The following FAM193A variants were observed in gnomAD, a reference collection of about 807,000 sequenced individuals.
The protein encoded by FAM193A is protein FAM193A.
A neutral mutation model predicts 126.5 loss-of-function variants in FAM193A; 22 were observed. That is an observed-to-expected ratio of 0.17 (90% CI 0.12 to 0.25). The LOEUF is 0.25. Ranked by LOEUF, FAM193A falls within the 10% of genes least tolerant of loss-of-function variation. The pLI is 1.00. For missense variants in FAM193A, 1,675 were observed against 1,672.8 expected, an observed-to-expected ratio of 1.00 and a Z score of -0.02; for synonymous variants, 761 against 646.8, an observed-to-expected ratio of 1.18 and a Z score of -2.68.
intron 1 of FAM193A, among the ~76,000 whole-genome samples, chr4:2,574,674 A>C (rs1290719862): frequency 6.6e-6 from 1 of 152,206 alleles, no homozygotes; most frequent in East Asian, 1.9e-4. Flanking sequence ...TGTAGTATCC[A>C]CGTTTATGTC....
intron 2 of FAM193A, among the ~76,000 whole-genome samples, chr4:2,602,673 T>C (rs536639876): frequency 2.6e-5 from 4 of 152,192 alleles, no homozygotes; most frequent in Admixed American, 2.0e-4. Context: ...TTTTTGTTTT[T>C]GTTTTGTGAC....
At chr4:2,636,712 G>T (rs1039391546) in intron 5 of FAM193A, among the ~76,000 whole-genome samples, 3 of 152,168 alleles carry the variant, frequency 2.0e-5, no homozygotes, top group African/African-American at 7.2e-5. Flanking sequence ...CAAGCCAACA[G>T]CAGCAAATGC....
At chr4:2,598,857 T>C (rs1469851168) in intron 2 of FAM193A, among the ~76,000 whole-genome samples, 1 of 152,198 alleles carries the variant, frequency 6.6e-6, no homozygotes, top group East Asian at 1.9e-4. Context: ...AGGTCTCCGA[T>C]GGTGGCATCT....
intron 2 of FAM193A, among the ~76,000 whole-genome samples, chr4:2,600,024 C>T (rs184506795): frequency 1.2e-4 from 19 of 152,256 alleles, no homozygotes; most frequent in East Asian, 3.9e-4. Context: ...CTCAGCCTCC[C>T]GAGTACCGGG....
chr4:2,535,950 G>A (rs901815609), upstream of FAM193A, among the ~76,000 whole-genome samples: 2 of 152,136 alleles, frequency 1.3e-5, no homozygotes, highest in African/African-American at 4.8e-5. Context: ...GGACCCCACC[G>A]CACCGCGCCC....
chr4:2,647,089 G>C (rs886656805), intron 7 of FAM193A, among the ~76,000 whole-genome samples: 31 of 152,204 alleles, frequency 2.0e-4, no homozygotes, highest in African/African-American at 7.5e-4. Flanking sequence ...TCCTTGGCCT[G>C]GGCACACCTG....
Position 2,690,804 on chromosome 4 carries a change from T to A in FAM193A, c.2637T>A (p.Asn879Lys). The A allele has an allele frequency of 6.2e-7, 1 of 1,614,104 alleles. No individual in the cohort carries two copies. Among genetic ancestry groups the A allele is most frequent in the Non-Finnish European group, 8.5e-7 (1 of 1,179,998 alleles). ...PAVSDSKEKK[N>K]AAKKKCLYNF... is the part of the protein sequence containing the mutation. The stretch of plus-strand genomic sequence containing the variant: ...TCTCGGATAGTAAAGAGAAAAAGAA[T>A]GCTGCAAAAAAGAAATGTTTATACA... The change falls in exon 15 of 21, where the codon AAT (asparagine) becomes AAA (lysine). Residue 879 changes from asparagine to lysine, a missense_variant. By Grantham distance (94) the Asn-to-Lys change is moderately conservative. Transcript: ENST00000637812.
At chr4:2,708,617 C>T (rs751071603) in intron 19 of FAM193A, among the ~76,000 whole-genome samples, 1 of 152,040 alleles carries the variant, frequency 6.6e-6, no homozygotes, top group Non-Finnish European at 1.5e-5. Context: ...CGCACACCAC[C>T]ATGCCCAGCT....
At chr4:2,604,708 T>G (rs1006734748) in intron 2 of FAM193A, among the ~76,000 whole-genome samples, 1 of 152,008 alleles carries the variant, frequency 6.6e-6, no homozygotes, top group African/African-American at 2.4e-5. Flanking sequence ...GTTAGTCTGT[T>G]TAGGTGTTCT....
In FAM193A at chr4:2,601,227, C is replaced by CTTTT. The variant is rs1201989388; in HGVS notation, c.501+4915_501+4918dup. Among the ~76,000 whole-genome samples, 350 of 110,450 alleles carry CTTTT rather than the reference C, an allele frequency of 3.2e-3. 1 individual carries two copies. The highest frequency in any genetic ancestry group is 5.3e-3 in the Middle Eastern group (1 of 188). The allele number at this position is 110,450 out of a possible 152,430, so 72.5% of individuals were successfully genotyped here. A position where few individuals can be genotyped will look rare whatever the true frequency, so the allele number is the denominator to read the frequency against. On this transcript the variant is annotated intron_variant, in intron 2 of 20. Coordinates refer to ENST00000637812, the MANE Select transcript of FAM193A (RefSeq NM_001366318.2). ...ATTTGACTTTTTATTTCTTCTTCTTCTTTTTTTTTTTTTTTTTTTTCCTGA... is the reference window on the plus strand; with the variant it reads ...ATTTGACTTTTTATTTCTTCTTCTTCTTTTTTTTTTTTTTTTTTTTTTTTCCTGA...
intron 1 of FAM193A, among the ~76,000 whole-genome samples, chr4:2,543,714 C>T (rs1460921540): frequency 6.6e-6 from 1 of 151,558 alleles, no homozygotes; most frequent in Non-Finnish European, 1.5e-5. Flanking sequence ...AAAAATTAGC[C>T]AGGCATGGTG....
Position 2,596,170 on chromosome 4 carries a change from CTCA to C in FAM193A, c.347_349del (p.Ser116del), listed in dbSNP as rs1314693472. 14 of 702,900 alleles carry C rather than the reference CTCA, an allele frequency of 2.0e-5. No homozygotes were observed. Among genetic ancestry groups the C allele is most frequent in the Non-Finnish European group, 3.4e-5 (13 of 385,020 alleles). 43.5% of individuals were successfully genotyped at this position (702,900 alleles called of 1,614,324 possible). On this transcript the variant is annotated inframe_deletion, in exon 2 of 21. Transcript: ENST00000637812. ...TTCTGTGCAGAAGTGAACGGAAAGA[CTCA>C]TCATTCTTAGAGAGTGGAATTAAGA...
intron 1 of FAM193A, among the ~76,000 whole-genome samples, chr4:2,593,114 A>G (rs1428126956): frequency 6.6e-6 from 1 of 152,160 alleles, no homozygotes; most frequent in African/African-American, 2.4e-5. Context: ...AAGGAATGAA[A>G]AAATACCCAG....
At chr4:2,678,869 C>T (rs1278323131) in intron 13 of FAM193A, among the ~76,000 whole-genome samples, 1 of 152,156 alleles carries the variant, frequency 6.6e-6, no homozygotes, top group African/African-American at 2.4e-5. Context: ...CATCTACAAA[C>T]AGAGATAATT....
chr4:2,579,824 T>C (rs1040953226), intron 1 of FAM193A, among the ~76,000 whole-genome samples: 1 of 152,224 alleles, frequency 6.6e-6, no homozygotes, highest in Non-Finnish European at 1.5e-5. Context: ...TTATACACTG[T>C]TGGTGCGAGT....
chr4:2,677,724 A>G (rs1560555700), intron 13 of FAM193A, among the ~76,000 whole-genome samples: 1 of 149,910 alleles, frequency 6.7e-6, no homozygotes, highest in Non-Finnish European at 1.5e-5. Flanking sequence ...CTGGGCAACA[A>G]GAGGGAAACA....
chr4:2,543,981 T>C (rs1356816636), intron 1 of FAM193A, among the ~76,000 whole-genome samples: 1 of 151,876 alleles, frequency 6.6e-6, no homozygotes, highest in African/African-American at 2.4e-5. Context: ...ATTATGGATC[T>C]TTGGGGTACA....
At chr4:2,588,846 C>G (rs1394935082) in intron 1 of FAM193A, among the ~76,000 whole-genome samples, 1 of 152,118 alleles carries the variant, frequency 6.6e-6, no homozygotes, top group Non-Finnish European at 1.5e-5. Context: ...AGTTAGTAGG[C>G]CTTTGATACC....
chr4:2,628,945 C>A (rs745492203), intron 4 of FAM193A, among the ~76,000 whole-genome samples: 2 of 151,166 alleles, frequency 1.3e-5, no homozygotes, highest in African/African-American at 2.4e-5. Context: ...CTCCGCCTGG[C>A]GGGTTCATGC....
Sources: gnomAD v4.1 joint callset for allele counts (sites outside exome capture counted in the v4.1 genomes callset) on GRCh38, gnomAD v4.1.1 for gene constraint, MANE v1.5 for transcripts, NCBI Gene and HGNC (gene_info 2026-07-23, HGNC 2026-07-21) for gene names.